Variants in KIRREL3 observed in about 807,000 individuals in gnomAD.
The protein encoded by KIRREL3 is kirre like nephrin family adhesion molecule 3.
Under a neutral mutation model 89.7 loss-of-function variants are expected in KIRREL3, and 36 were observed. That is an observed-to-expected ratio of 0.40 (90% CI 0.31 to 0.53). The LOEUF is 0.53. Among genes scored for constraint, KIRREL3 ranks in the 20% least tolerant of loss-of-function variants. KIRREL3 has a pLI of 0.49. For missense variants in KIRREL3, 864 were observed against 1,056.6 expected, an observed-to-expected ratio of 0.82 and a Z score of 2.53; for synonymous variants, 445 against 441.4, an observed-to-expected ratio of 1.01 and a Z score of -0.10.
rs929213807 is a variant in KIRREL3, at chr11:126,424,023, G to A, written c.*557C>T. 1 of 158,728 alleles carries A rather than the reference G, an allele frequency of 6.3e-6. No homozygotes were observed. The highest frequency in any genetic ancestry group is 5.9e-5 in the Admixed American group (1 of 16,894). 9.8% of individuals were successfully genotyped at this position (158,728 alleles called of 1,614,324 possible). Reference sequence around the variant, plus strand: ...TCCCGGCCAGCCTGGTGAGAGAGAGGCTCCTTTAGCCAAGGCCATTTCTGG... The same window carrying A: ...TCCCGGCCAGCCTGGTGAGAGAGAGACTCCTTTAGCCAAGGCCATTTCTGG... On this transcript the variant is annotated 3_prime_UTR_variant, in exon 17 of 17. Transcript: ENST00000525144.
chr11:126,784,009 C>G (rs1950406196), intron 1 of KIRREL3, among the ~76,000 whole-genome samples: 1 of 152,136 alleles, frequency 6.6e-6, no homozygotes, highest in African/African-American at 2.4e-5. Flanking sequence ...GAGCATCAAA[C>G]AAATCCCCAT....
chr11:126,648,410 G>A (rs908261927), intron 1 of KIRREL3, among the ~76,000 whole-genome samples: 1 of 152,086 alleles, frequency 6.6e-6, no homozygotes, highest in Admixed American at 6.5e-5. Context: ...CCTGTCCTCG[G>A]TCCCTCCCCT....
intron 2 of KIRREL3, among the ~76,000 whole-genome samples, chr11:126,545,470 A>T (rs944144866): frequency 6.6e-6 from 1 of 151,952 alleles, no homozygotes; most frequent in Non-Finnish European, 1.5e-5. Flanking sequence ...ATGAATAGGG[A>T]TGGAAATTAG....
chr11:126,593,497 G>T (rs1452384758), intron 1 of KIRREL3, among the ~76,000 whole-genome samples: 1 of 152,168 alleles, frequency 6.6e-6, no homozygotes, highest in East Asian at 1.9e-4. Context: ...CTCCCAACCT[G>T]CTGTGACCCC....
At chr11:126,818,921 C>T (rs982126006) in intron 1 of KIRREL3, among the ~76,000 whole-genome samples, 6 of 152,068 alleles carry the variant, frequency 3.9e-5, no homozygotes, top group East Asian at 3.9e-4. Context: ...TAGCAGGGGA[C>T]GTATCCCCTA....
chr11:126,577,124 C>A (rs1941294968), intron 1 of KIRREL3, among the ~76,000 whole-genome samples: 1 of 152,146 alleles, frequency 6.6e-6, no homozygotes, highest in Non-Finnish European at 1.5e-5. Context: ...CAATAAAGGG[C>A]TCAGCAAAAT....
At chr11:126,973,516 A>G (rs944997177) in intron 1 of KIRREL3, among the ~76,000 whole-genome samples, 2 of 152,188 alleles carry the variant, frequency 1.3e-5, no homozygotes, top group African/African-American at 4.8e-5. Context: ...ACAGACTATC[A>G]TGGTGACCCT....
chr11:126,482,011 T>C (rs78428814), intron 4 of KIRREL3, among the ~76,000 whole-genome samples: 8,163 of 152,318 alleles, frequency 0.054, 247 homozygotes, highest in African/African-American at 0.078. Context: ...GTAAATCGCT[T>C]TTCCCCAATT....
intron 1 of KIRREL3, among the ~76,000 whole-genome samples, chr11:126,882,677 C>A (rs1219870782): frequency 6.6e-6 from 1 of 152,234 alleles, no homozygotes; most frequent in Admixed American, 6.5e-5. Flanking sequence ...AAGAGCCGAT[C>A]TTTGACATTC....
intron 1 of KIRREL3, among the ~76,000 whole-genome samples, chr11:126,658,212 C>T (rs886233499): frequency 6.6e-6 from 1 of 152,186 alleles, no homozygotes; most frequent in Admixed American, 6.5e-5. Context: ...TTGATGATCT[C>T]GAATAATGTG....
At chr11:126,746,687 A>G (rs1327023013) in intron 1 of KIRREL3, among the ~76,000 whole-genome samples, 2 of 152,070 alleles carry the variant, frequency 1.3e-5, no homozygotes, top group African/African-American at 4.8e-5. Context: ...GTGTATCTCT[A>G]TGAAAGTTCT....
chr11:126,999,534 T>C lies in KIRREL3; in HGVS notation c.55+921A>G, dbSNP rs1039059972. 2.6e-5 allele frequency among the ~76,000 whole-genome samples: 4 copies of C among 152,226 alleles called. No homozygotes were observed. Among genetic ancestry groups the C allele is most frequent in the African/African-American group, 9.6e-5 (4 of 41,466 alleles). ...TAAGAGCTGTGTTGGCTGGCACAAA[T>C]GCAGCCTCAGATGGCAGAGGTGCAT... On this transcript the variant is annotated intron_variant, in intron 1 of 16. Transcript: ENST00000525144. The surrounding 1 kb of genome is among the most constrained non-coding windows in gnomAD (Gnocchi z 5.7).
chr11:126,780,798 C>A lies in KIRREL3; in HGVS notation c.56-217886G>T, dbSNP rs748977768. Among the ~76,000 whole-genome samples the A allele has an allele frequency of 6.6e-6, 1 of 152,188 alleles. No individual in the cohort carries two copies. Among genetic ancestry groups the A allele is most frequent in the South Asian group, 2.1e-4 (1 of 4,836 alleles). On this transcript the variant is annotated intron_variant, in intron 1 of 16. Transcript: ENST00000525144. The surrounding 1 kb of genome is among the most constrained non-coding windows in gnomAD (Gnocchi z 5.3). ...ATGAAATCAACAAACATATATGGAG[C>A]TTTAAATATGCATCAAAAACACCAC...
In KIRREL3 at chr11:126,686,546, C is replaced by T. The variant is rs192821219; in HGVS notation, c.56-123634G>A. 4.6e-5 allele frequency among the ~76,000 whole-genome samples: 7 copies of T among 152,130 alleles called. No homozygotes were observed. The highest frequency in any genetic ancestry group is 1.9e-4 in the East Asian group (1 of 5,166). On this transcript the variant is annotated intron_variant, in intron 1 of 16. Transcript: ENST00000525144. The surrounding 1 kb of genome is among the most constrained non-coding windows in gnomAD (Gnocchi z 4.7). ...GGTGGGGAGGGACTGTGCGTTCCTG[C>T]GCATGTTACCCTACACTGAATTTTA... is the stretch of plus-strand genomic sequence containing the variant.
chr11:126,663,594 C>T (rs761283372), intron 1 of KIRREL3, among the ~76,000 whole-genome samples: 2 of 152,182 alleles, frequency 1.3e-5, no homozygotes, highest in Admixed American at 6.5e-5. Context: ...CTCATGGAAG[C>T]GTATGCTTCT....
intron 1 of KIRREL3, among the ~76,000 whole-genome samples, chr11:126,869,027 C>T: frequency 6.6e-6 from 1 of 152,178 alleles, no homozygotes; most frequent in Non-Finnish European, 1.5e-5. Flanking sequence ...TCCTAATACT[C>T]CTAATCTCAT....
rs1939480313 is a variant in KIRREL3 at position 126,553,868 on chromosome 11, G to C, written c.133+8967C>G. ...TTTTTCCATCACTATTAGGAAAACAGCATGCAATTCAGCTCATATGCAGAC... is the reference window on the plus strand; with the variant it reads ...TTTTTCCATCACTATTAGGAAAACACCATGCAATTCAGCTCATATGCAGAC... On this transcript the variant is annotated intron_variant, in intron 2 of 16. Coordinates refer to ENST00000525144, the MANE Select transcript of KIRREL3 (RefSeq NM_032531.4). The surrounding 1 kb of genome is among the most constrained non-coding windows in gnomAD (Gnocchi z 4.7). Among the ~76,000 whole-genome samples, 1 of 152,162 alleles carries C rather than the reference G, an allele frequency of 6.6e-6. No homozygotes were observed.
chr11:126,782,085 TTCC>T lies in KIRREL3; in HGVS notation c.55+218367_55+218369del, dbSNP rs61650591. 0.25 allele frequency among the ~76,000 whole-genome samples: 37,452 copies of T among 151,954 alleles called. 4,654 individuals carry two copies. Among genetic ancestry groups the T allele is most frequent in the South Asian group, 0.3 (1,457 of 4,800 alleles). ...CAATGCGATGTGCTCAGCATATAAT[TTCC>T]TCCTCCTGGGTTCACAGGAAGACAG... On this transcript the variant is annotated intron_variant, in intron 1 of 16. Transcript: ENST00000525144. This position sits in a 1 kb window ranked among gnomAD's most constrained non-coding sequence, Gnocchi z 4.1.
At chr11:126,916,003 T>C (rs1207107297) in intron 1 of KIRREL3, among the ~76,000 whole-genome samples, 2 of 152,188 alleles carry the variant, frequency 1.3e-5, no homozygotes, top group Non-Finnish European at 2.9e-5. Flanking sequence ...CAGCACATAG[T>C]AGATGATGCA....
Sources: gnomAD v4.1 joint callset for allele counts (sites outside exome capture counted in the v4.1 genomes callset) on GRCh38, gnomAD v4.1.1 for gene constraint, Gnocchi (gnomAD v3.1) non-coding constraint, MANE v1.5 for transcripts, NCBI Gene and HGNC (gene_info 2026-07-23, HGNC 2026-07-21) for gene names.